Variants in TEX9 observed in about 807,000 individuals in gnomAD.
TEX9 encodes testis expressed 9.
In TEX9, 74 loss-of-function variants were observed where a neutral mutation model predicts 59.6. The observed-to-expected ratio is 1.24, with a 90% confidence interval of 1.03 to 1.51. The LOEUF is 1.51. Among genes scored for constraint, TEX9 ranks in the 40% most tolerant of loss-of-function variants. TEX9 has a pLI of 0.00. For synonymous variants in TEX9, 186 were observed against 152.2 expected (o/e 1.22, Z -1.64); for missense variants, 522 against 447.8 (o/e 1.17, Z -1.49).
chr15:56,320,610 C>G (rs992720490), intron 1 of TEX9, among the ~76,000 whole-genome samples: 37 of 152,320 alleles, frequency 2.4e-4, no homozygotes, highest in African/African-American at 8.4e-4. Flanking sequence ...AGGGTCCAAT[C>G]CCTGTGACCT....
chr15:56,281,153 A>G (rs1387673230), intron 1 of TEX9, among the ~76,000 whole-genome samples: 1 of 152,210 alleles, frequency 6.6e-6, no homozygotes, highest in Non-Finnish European at 1.5e-5. Context: ...AAGGGTTCCT[A>G]TATGTTTGAG....
At chr15:56,432,498 C>G (rs2050622172) in intron 12 of TEX9, among the ~76,000 whole-genome samples, 1 of 152,176 alleles carries the variant, frequency 6.6e-6, no homozygotes, top group African/African-American at 2.4e-5. Context: ...TCACGAAGAT[C>G]TGTCCTTGAC....
At chr15:56,380,930 A>G (rs1003575788) in intron 3 of TEX9, among the ~76,000 whole-genome samples, 1 of 152,090 alleles carries the variant, frequency 6.6e-6, no homozygotes, top group African/African-American at 2.4e-5. Context: ...TTGGTGTTCT[A>G]TAGTCTTCTT....
intron 10 of TEX9, among the ~76,000 whole-genome samples, chr15:56,426,947 T>G (rs2050312057): frequency 6.6e-6 from 1 of 151,940 alleles, no homozygotes. Flanking sequence ...CCACAGCCAT[T>G]TCCTTTCACA....
intron 1 of TEX9, among the ~76,000 whole-genome samples, chr15:56,281,166 G>A (rs918176464): frequency 6.6e-6 from 1 of 152,190 alleles, no homozygotes; most frequent in Non-Finnish European, 1.5e-5. Flanking sequence ...TGTTTGAGGT[G>A]CTTTAAAATA....
intron 1 of TEX9, among the ~76,000 whole-genome samples, chr15:56,329,874 G>A (rs557091611): frequency 1.3e-5 from 2 of 152,204 alleles, no homozygotes; most frequent in African/African-American, 2.4e-5. Flanking sequence ...GTTACTATCA[G>A]GGAACTTCTT....
chr15:56,339,402 A>AAAAAAC (rs2046327999), intron 1 of TEX9, among the ~76,000 whole-genome samples: 2 of 79,480 alleles, frequency 2.5e-5, no homozygotes, highest in Non-Finnish European at 7.5e-5. Context: ...AAAAAAAAAA[A>AAAAAAC]AAAAAAAAAA....
chr15:56,297,860 C>G (rs775514306), intron 1 of TEX9, among the ~76,000 whole-genome samples: 1 of 152,206 alleles, frequency 6.6e-6, no homozygotes. Flanking sequence ...TCTTCTCCAG[C>G]GAGACTGTAC....
chr15:56,304,457 G>A (rs1446083881), intron 1 of TEX9, among the ~76,000 whole-genome samples: 1 of 152,152 alleles, frequency 6.6e-6, no homozygotes, highest in Non-Finnish European at 1.5e-5. Flanking sequence ...ATGAAATGAT[G>A]TTGAATTTTA....
intron 4 of TEX9, among the ~76,000 whole-genome samples, chr15:56,386,598 A>T (rs1382434083): frequency 6.6e-6 from 1 of 152,000 alleles, no homozygotes; most frequent in African/African-American, 2.4e-5. Flanking sequence ...ATTTTGATAG[A>T]CATATGTATG....
intron 1 of TEX9, among the ~76,000 whole-genome samples, chr15:56,321,001 C>T (rs533428441): frequency 6.6e-6 from 1 of 152,164 alleles, no homozygotes; most frequent in Non-Finnish European, 1.5e-5. Flanking sequence ...ACTTTACAAT[C>T]GTAGCCTGCC....
At chr15:56,387,936 C>T (rs1411803691) in intron 4 of TEX9, among the ~76,000 whole-genome samples, 1 of 151,956 alleles carries the variant, frequency 6.6e-6, no homozygotes, top group Admixed American at 6.6e-5. Flanking sequence ...TTGCATTTTA[C>T]GTGTATTTAT....
chr15:56,448,751 CTTTTTTT>C (rs34366643), downstream of TEX9, among the ~76,000 whole-genome samples: 45 of 117,672 alleles, frequency 3.8e-4, no homozygotes, highest in Middle Eastern at 5.2e-3. Context: ...TTTTTAGATT[CTTTTTTT>C]TTTTTTTTTT....
chr15:56,351,688 A>G (rs2046583749), intron 1 of TEX9, among the ~76,000 whole-genome samples: 1 of 152,222 alleles, frequency 6.6e-6, no homozygotes, highest in Non-Finnish European at 1.5e-5. Flanking sequence ...GAATAATCAG[A>G]CTTAGCAGTT....
intron 1 of TEX9, among the ~76,000 whole-genome samples, chr15:56,309,021 A>G (rs1226442067): frequency 6.6e-6 from 1 of 152,182 alleles, no homozygotes; most frequent in African/African-American, 2.4e-5. Flanking sequence ...TATTTTGATT[A>G]TTCTGGATTC....
chr15:56,447,507 T>G (rs2050915709), downstream of TEX9: 1 of 152,204 alleles, frequency 6.6e-6, no homozygotes, highest in Non-Finnish European at 1.5e-5. Context: ...AGTTTTATAC[T>G]TTTCATTAGG....
chr15:56,398,583 A>G (rs2048596832), intron 9 of TEX9, among the ~76,000 whole-genome samples: 1 of 152,096 alleles, frequency 6.6e-6, no homozygotes. Context: ...GATTCTTTTC[A>G]TGTTCTTGGC....
intron 1 of TEX9, among the ~76,000 whole-genome samples, chr15:56,305,914 TAACTC>T (rs1188832589): frequency 1.3e-5 from 2 of 152,030 alleles, no homozygotes; most frequent in African/African-American, 4.8e-5. Flanking sequence ...GAAGGTCAAA[TAACTC>T]AAAGAGAAAA....
intron 12 of TEX9, chr15:56,431,265 T>A: frequency 7.6e-7 from 1 of 1,320,544 alleles, no homozygotes; most frequent in Non-Finnish European, 1.0e-6. Flanking sequence ...TGCTGCTTCA[T>A]AACCGAGCAA....
Sources: gnomAD v4.1 joint callset for allele counts (sites outside exome capture counted in the v4.1 genomes callset) on GRCh38, gnomAD v4.1.1 for gene constraint, MANE v1.5 for transcripts, NCBI Gene and HGNC (gene_info 2026-07-23, HGNC 2026-07-21) for gene names.